Variants in NEBL observed in about 807,000 individuals in gnomAD.
NEBL encodes nebulette.
NEBL carries 122 observed loss-of-function variants against 140.2 expected under a neutral mutation model. That is an observed-to-expected ratio of 0.87 (90% CI 0.75 to 1.01). The LOEUF is 1.01. NEBL is among the 50% of genes least tolerant of loss of function. The probability of loss-of-function intolerance (pLI) is 0.00; values close to 1 mark genes in which losing one functional copy is unlikely to be tolerated. For missense variants in NEBL, 1,365 were observed against 1,231.3 expected, an observed-to-expected ratio of 1.11 and a Z score of -1.62; for synonymous variants, 436 against 398.9, an observed-to-expected ratio of 1.09 and a Z score of -1.11.
intron 4 of NEBL, among the ~76,000 whole-genome samples, chr10:20,941,725 G>T (rs1311672145): frequency 6.6e-6 from 1 of 151,954 alleles, no homozygotes; most frequent in Non-Finnish European, 1.5e-5. Flanking sequence ...AAGCTAATAG[G>T]CAACTTCAGC....
chr10:21,246,183 C>T (rs1230136267), intron 3 of NEBL, among the ~76,000 whole-genome samples: 1 of 152,138 alleles, frequency 6.6e-6, no homozygotes, highest in Non-Finnish European at 1.5e-5. Flanking sequence ...TCTGCCTTTC[C>T]TCAACACCTT....
chr10:20,955,616 T>C (rs1835762859), intron 4 of NEBL, among the ~76,000 whole-genome samples: 1 of 151,940 alleles, frequency 6.6e-6, no homozygotes, highest in South Asian at 2.1e-4. Flanking sequence ...AATTAAAGGG[T>C]TTAGGAGATT....
At chr10:20,907,126 A>T (rs960062349) in intron 4 of NEBL, among the ~76,000 whole-genome samples, 1 of 152,078 alleles carries the variant, frequency 6.6e-6, no homozygotes, top group African/African-American at 2.4e-5. Context: ...TTTCAATTTG[A>T]TCATATATAC....
In NEBL at chr10:20,912,870, G is replaced by C. The variant is rs143539623; in HGVS notation, c.357+48802C>G. 4.9e-3 allele frequency among the ~76,000 whole-genome samples: 708 copies of C among 145,134 alleles called. 9 individuals carry two copies. The highest frequency in any genetic ancestry group is 0.017 in the African/African-American group (675 of 39,422). ...GAACTTGTTCCTCATGGGGGCCATA[G>C]TATGCCAATTCTTTTTTTTTTTTTT... On this transcript the variant is annotated intron_variant, in intron 4 of 6. Coordinates refer to the NEBL transcript ENST00000417816.
chr10:21,219,289 T>C (rs1159815241), intron 3 of NEBL, among the ~76,000 whole-genome samples: 1 of 152,226 alleles, frequency 6.6e-6, no homozygotes, highest in African/African-American at 2.4e-5. Context: ...GCTATATAAA[T>C]TACAAAGTAG....
intron 4 of NEBL, among the ~76,000 whole-genome samples, chr10:20,927,369 A>G (rs750011922): frequency 6.6e-6 from 1 of 152,216 alleles, no homozygotes; most frequent in Non-Finnish European, 1.5e-5. Context: ...AGACAGAAAA[A>G]GAATGTCATC....
intron 3 of NEBL, among the ~76,000 whole-genome samples, chr10:21,180,615 C>T (rs1048719784): frequency 2.0e-5 from 3 of 152,140 alleles, no homozygotes; most frequent in African/African-American, 7.2e-5. Flanking sequence ...TAGAGCAACT[C>T]CATTAGTAGC....
intron 2 of NEBL, among the ~76,000 whole-genome samples, chr10:21,057,203 A>G (rs895263691): frequency 2.0e-5 from 3 of 152,164 alleles, no homozygotes; most frequent in Non-Finnish European, 4.4e-5. Flanking sequence ...GAGAGGTTAT[A>G]TGGGGTTTCA....
chr10:21,052,481 G>C (rs535396474), intron 2 of NEBL, among the ~76,000 whole-genome samples: 1 of 152,226 alleles, frequency 6.6e-6, no homozygotes, highest in African/African-American at 2.4e-5. Context: ...CCTTGCTCAG[G>C]ATCTACAAAG....
At chr10:21,288,849 T>TATATATATATATAA (rs1216184030) in intron 1 of NEBL, among the ~76,000 whole-genome samples, 10 of 88,876 alleles carry the variant, frequency 1.1e-4, no homozygotes, top group African/African-American at 5.1e-4. Flanking sequence ...TATATATATA[T>TATATATATATATAA]AAAAATTTTT....
chr10:20,870,832 A>T (rs1161445984), intron 5 of NEBL, among the ~76,000 whole-genome samples: 1 of 152,228 alleles, frequency 6.6e-6, no homozygotes, highest in African/African-American at 2.4e-5. Context: ...AGAGAAAAAT[A>T]CATAAACTTT....
At chr10:21,019,041 C>T (rs929517673) in intron 3 of NEBL, among the ~76,000 whole-genome samples, 1 of 152,102 alleles carries the variant, frequency 6.6e-6, no homozygotes, top group Non-Finnish European at 1.5e-5. Flanking sequence ...CCCCTCCCCC[C>T]AGAAAAAGAG....
intron 4 of NEBL, among the ~76,000 whole-genome samples, chr10:20,924,102 A>T (rs1833744439): frequency 6.6e-6 from 1 of 152,150 alleles, no homozygotes; most frequent in Non-Finnish European, 1.5e-5. Flanking sequence ...AAATCACTCT[A>T]AATTGGTGAT....
intron 3 of NEBL, among the ~76,000 whole-genome samples, chr10:20,995,365 C>T (rs769157806): frequency 1.9e-4 from 29 of 152,146 alleles, no homozygotes; most frequent in Non-Finnish European, 3.4e-4. Flanking sequence ...CGTGTGAAGG[C>T]GGCTGCTTGG....
At chr10:21,022,761 C>T (rs1049673516) in intron 2 of NEBL, among the ~76,000 whole-genome samples, 10 of 152,288 alleles carry the variant, frequency 6.6e-5, no homozygotes, top group Non-Finnish European at 1.2e-4. Context: ...CCAAATCATA[C>T]AAGATGATTA....
rs763996290 is a variant in NEBL, at chr10:20,817,731, T to C, written c.2056-39A>G. ...ATAAGAACTTTAACAGATAGCACAA[T>C]GGGCTCCACTGAAATACCACAAAGG... On this transcript the variant is annotated intron_variant, in intron 20 of 27. Transcript: ENST00000377122. 4.3e-5 allele frequency: 62 copies of C among 1,450,994 alleles called. 2 individuals are homozygous for C. The South Asian group carries it at 6.1e-4, about 14-fold the overall frequency. 89.9% of individuals were successfully genotyped at this position (1,450,994 alleles called of 1,614,324 possible).
intron 26 of NEBL, among the ~76,000 whole-genome samples, chr10:20,796,367 G>GAA (rs57844177): frequency 0.021 from 1,081 of 51,518 alleles, 83 homozygotes; most frequent in Middle Eastern, 0.043. Flanking sequence ...TCTAAAACAA[G>GAA]AAAAAAAAAA....
At chr10:21,141,548 G>T (rs1839632137) in intron 2 of NEBL, among the ~76,000 whole-genome samples, 1 of 152,084 alleles carries the variant, frequency 6.6e-6, no homozygotes, top group Non-Finnish European at 1.5e-5. Flanking sequence ...TTGAAACAAT[G>T]AAAAACTAAT....
At chr10:20,998,261 C>G (rs954759376) in intron 3 of NEBL, among the ~76,000 whole-genome samples, 9 of 152,174 alleles carry the variant, frequency 5.9e-5, no homozygotes, top group African/African-American at 9.6e-5. Context: ...CGTGTGGCCT[C>G]AGGCAGTTTA....
Sources: gnomAD v4.1 joint callset for allele counts (sites outside exome capture counted in the v4.1 genomes callset) on GRCh38, gnomAD v4.1.1 for gene constraint, MANE v1.5 for transcripts, NCBI Gene and HGNC (gene_info 2026-07-23, HGNC 2026-07-21) for gene names.